DNAH8: variants seen among roughly 807,000 people sequenced by gnomAD.
The protein encoded by DNAH8 is axonemal beta dynein heavy chain 8.
In DNAH8, 382 loss-of-function variants were observed where a neutral mutation model predicts 562.1. The observed-to-expected ratio is 0.68, with a 90% CI of 0.63 to 0.74. DNAH8 has a LOEUF of 0.74. Among genes scored for constraint, DNAH8 ranks in the 30% least tolerant of loss-of-function variants. The probability of loss-of-function intolerance (pLI) is 0.00; values close to 1 mark genes in which losing one functional copy is unlikely to be tolerated. For missense variants in DNAH8, 5,203 were observed against 5,620.4 expected, an observed-to-expected ratio of 0.93 and a Z score of 2.37; for synonymous variants, 1,881 against 1,919.4, an observed-to-expected ratio of 0.98 and a Z score of 0.52.
chr6:38,825,840 G>A (rs552113602), intron 28 of DNAH8, among the ~76,000 whole-genome samples: 1 of 152,292 alleles, frequency 6.6e-6, no homozygotes, highest in South Asian at 2.1e-4. Context: ...ATGAATGAGG[G>A]CCGCTAATGG....
Position 38,929,649 on chromosome 6 carries a change from T to C in DNAH8, c.11257T>C (p.Ser3753Pro). Residue 3753 changes from serine (S) to proline (P), a missense_variant, in exon 75 of 93, where the codon TCT (serine) becomes CCT (proline). Physicochemically the swap from Ser to Pro is moderately conservative, Grantham distance 74. Around this residue, in one of 6 missense-constraint regions of DNAH8, gnomAD observed 1,399 missense variants for 1,518.4 expected, o/e 0.92. Transcript: ENST00000327475. ...DNVLEKNFIK[S>P]GTTFKVKVGD... ...TGTATTAGAAAAGAATTTTATTAAA[T>C]CTGGCACCACTTTCAAGGTGAGCTT... 6.4e-7 allele frequency: 1 copy of C among 1,552,430 alleles called. No individual in the cohort carries two copies. Among genetic ancestry groups the C allele is most frequent in the South Asian group, 1.2e-5 (1 of 81,542 alleles).
intron 62 of DNAH8, among the ~76,000 whole-genome samples, chr6:38,902,928 AGAT>A (rs917861302): frequency 4.6e-5 from 7 of 152,220 alleles, no homozygotes; most frequent in African/African-American, 1.7e-4. Flanking sequence ...TGGTCACATG[AGAT>A]TATAATGGAG....
At chr6:38,835,721 A>T (rs902593906) in intron 32 of DNAH8, among the ~76,000 whole-genome samples, 1 of 152,042 alleles carries the variant, frequency 6.6e-6, no homozygotes, top group African/African-American at 2.4e-5. Flanking sequence ...ATGCGGTACT[A>T]AAGAGGATAG....
At chr6:38,921,884 G>A (rs1179759312) in intron 71 of DNAH8, among the ~76,000 whole-genome samples, 2 of 152,040 alleles carry the variant, frequency 1.3e-5, no homozygotes, top group East Asian at 1.9e-4. Context: ...GGGTGGGGCC[G>A]TTTTATAGGA....
At chr6:38,984,563 C>T (rs1054349609) in intron 87 of DNAH8, among the ~76,000 whole-genome samples, 15 of 152,026 alleles carry the variant, frequency 9.9e-5, no homozygotes, top group African/African-American at 2.4e-4. Flanking sequence ...GAGACTGAGG[C>T]GGGCGGATCA....
chr6:38,917,600 G>A (rs1194213165), intron 69 of DNAH8, among the ~76,000 whole-genome samples, 194 bp downstream of exon 69: 2 of 152,190 alleles, frequency 1.3e-5, no homozygotes, highest in Middle Eastern at 3.2e-3. Context: ...TATGACATCT[G>A]TCCAGAACCG....
Position 38,917,423 on chromosome 6 carries a change from A to T in DNAH8, c.10308+17A>T, listed in dbSNP as rs373062765. 1 of 1,608,874 alleles carries T rather than the reference A, an allele frequency of 6.2e-7. No homozygotes were observed. Among genetic ancestry groups the T allele is most frequent in the Non-Finnish European group, 8.5e-7 (1 of 1,176,480 alleles). On this transcript the variant is annotated intron_variant, in intron 69 of 92. Coordinates refer to ENST00000327475, the MANE Select transcript of DNAH8 (RefSeq NM_001206927.2). ...TCATTAAAGGTAAGTAAAATCTATC[A>T]TTGTCAATCCTATGAGCTGCATCAG...
chr6:38,945,682 A>AC (rs1349958079), intron 80 of DNAH8, 94 bp downstream of exon 80: 3 of 1,546,726 alleles, frequency 1.9e-6, no homozygotes, highest in African/African-American at 1.4e-5. Context: ...CAATTCCTTC[A>AC]CCCAAAAAAG....
intron 10 of DNAH8, 90 bp downstream of exon 10, chr6:38,756,169 C>T: frequency 1.3e-6 from 1 of 794,054 alleles, no homozygotes; most frequent in South Asian, 1.4e-5. Flanking sequence ...ATTTGGAAGC[C>T]TAAGTGCCTC....
intron 36 of DNAH8, 87 bp downstream of exon 36, chr6:38,845,860 AT>A: frequency 9.1e-7 from 1 of 1,098,890 alleles, no homozygotes; most frequent in South Asian, 1.4e-5. Context: ...AAGCTCTTTC[AT>A]TGGATGGATT....
At chr6:38,917,783 G>A (rs1781421774) in intron 69 of DNAH8, 142 bp from the exon 70 acceptor site, 2 of 604,360 alleles carry the variant, frequency 3.3e-6, no homozygotes, top group Non-Finnish European at 5.6e-6. Flanking sequence ...GATTTAGGTT[G>A]GCTACTGCCA....
At chr6:38,772,477 A>G (rs72849172) in intron 12 of DNAH8, among the ~76,000 whole-genome samples, 18,634 of 152,104 alleles carry the variant, frequency 0.12, 1,392 homozygotes, top group Admixed American at 0.22. Flanking sequence ...ATTTTGATGT[A>G]CTTTTGCCCA....
intron 33 of DNAH8, among the ~76,000 whole-genome samples, chr6:38,838,679 G>A (rs1386060447): frequency 1.3e-5 from 2 of 152,032 alleles, no homozygotes; most frequent in African/African-American, 2.4e-5. Context: ...GATTACAGGC[G>A]TGAGCCACCA....
intron 87 of DNAH8, among the ~76,000 whole-genome samples, chr6:38,989,054 G>A (rs979006735): frequency 2.0e-5 from 3 of 152,206 alleles, no homozygotes; most frequent in African/African-American, 7.2e-5. Flanking sequence ...AGTTGAATAG[G>A]ATAAAACAGA....
intron 66 of DNAH8, 117 bp downstream of exon 66, chr6:38,911,703 T>A: frequency 2.8e-6 from 2 of 708,426 alleles, no homozygotes; most frequent in Non-Finnish European, 4.8e-6. Flanking sequence ...TTGTTAGTAG[T>A]AGATAATTTT....
At chr6:38,911,446 C>T in intron 65 of DNAH8, 22 bp from the exon 66 acceptor site, 1 of 1,527,562 alleles carries the variant, frequency 6.5e-7, no homozygotes, top group East Asian at 2.3e-5. Flanking sequence ...TTGAAATGGT[C>T]CTTTTAATGT....
At chr6:38,920,065 T>C (rs1271738512) in intron 70 of DNAH8, among the ~76,000 whole-genome samples, 1 of 151,718 alleles carries the variant, frequency 6.6e-6, no homozygotes, top group Non-Finnish European at 1.5e-5. Flanking sequence ...CAAATGAAAA[T>C]AGAAAGATAA....
At chr6:38,843,770 G>A (rs1775040284) in intron 35 of DNAH8, among the ~76,000 whole-genome samples, 1 of 152,010 alleles carries the variant, frequency 6.6e-6, no homozygotes, top group South Asian at 2.1e-4. Flanking sequence ...TTTTATTGGG[G>A]TGGCTGGGAG....
chr6:38,717,636 T>C (rs529334588), intron 1 of DNAH8, among the ~76,000 whole-genome samples: 2 of 151,900 alleles, frequency 1.3e-5, no homozygotes, highest in East Asian at 3.9e-4. Context: ...GATTTTTTTT[T>C]TTTTTTTAGA....
Sources: gnomAD v4.1 joint callset for allele counts (sites outside exome capture counted in the v4.1 genomes callset) on GRCh38, gnomAD v4.1.1 for gene constraint, gnomAD v4.1.1 regional missense constraint, MANE v1.5 for transcripts, NCBI Gene and HGNC (gene_info 2026-07-23, HGNC 2026-07-21) for gene names.